SECISBP2L: variants seen among roughly 807,000 people sequenced by gnomAD.
SECISBP2L encodes selenocysteine insertion sequence-binding protein 2-like.
A neutral mutation model predicts 114.7 loss-of-function variants in SECISBP2L; 43 were observed. The observed-to-expected ratio is 0.38, with a 90% CI of 0.29 to 0.48. The LOEUF (loss-of-function observed/expected upper bound fraction) is 0.48, where lower values mean the gene tolerates loss of function less well. Among genes scored for constraint, SECISBP2L ranks in the 20% least tolerant of loss-of-function variants. The pLI is 0.98. For synonymous variants in SECISBP2L, 451 were observed against 439.7 expected, an observed-to-expected ratio of 1.03 and a Z score of -0.32; for missense variants, 1,136 against 1,301.1, an observed-to-expected ratio of 0.87 and a Z score of 1.95.
intron 8 of SECISBP2L, 85 bp from the exon 9 acceptor site, chr15:49,017,713 G>T (rs894633305): frequency 2.2e-6 from 2 of 910,510 alleles, no homozygotes; most frequent in African/African-American, 1.7e-5. Context: ...GAAAAATGAG[G>T]AAGTTATTTC....
intron 3 of SECISBP2L, among the ~76,000 whole-genome samples, chr15:49,033,694 A>C (rs970111180): frequency 2.6e-5 from 4 of 152,006 alleles, no homozygotes; most frequent in East Asian, 1.9e-4. Flanking sequence ...AACAAACAAA[A>C]AAACAAAGGC....
rs531937643 is a variant in SECISBP2L at position 49,036,470 on chromosome 15, T to C, written c.204-812A>G. 1.3e-3 allele frequency among the ~76,000 whole-genome samples: 201 copies of C among 152,362 alleles called. 1 individual carries two copies. In the South Asian group the frequency reaches 0.017, roughly 13 times the overall value. On this transcript the variant is annotated intron_variant, in intron 2 of 17. Coordinates refer to ENST00000559471, the MANE Select transcript of SECISBP2L (RefSeq NM_001193489.2). ...AATATTTTTTAAATAATCTGTTGGCTTGTTTACTCATAAATTCACAAAGAT... is the reference window on the plus strand; with the variant it reads ...AATATTTTTTAAATAATCTGTTGGCCTGTTTACTCATAAATTCACAAAGAT...
chr15:49,004,286 T>C (rs1170995085), intron 14 of SECISBP2L, among the ~76,000 whole-genome samples: 2 of 152,204 alleles, frequency 1.3e-5, no homozygotes, highest in Non-Finnish European at 2.9e-5. Flanking sequence ...AGTTGTGATC[T>C]TCCCTTTATC....
chr15:48,989,448 A>G lies in SECISBP2L; in HGVS notation c.*2796T>C, dbSNP rs938354044. The G allele has an allele frequency of 1.3e-5, 2 of 152,644 alleles. No homozygotes were observed. Among genetic ancestry groups the G allele is most frequent in the Non-Finnish European group, 2.9e-5 (2 of 68,024 alleles). 9.5% of individuals were successfully genotyped at this position (152,644 alleles called of 1,614,324 possible). On this transcript the variant is annotated 3_prime_UTR_variant, in exon 18 of 18. Coordinates refer to ENST00000559471, the MANE Select transcript of SECISBP2L (RefSeq NM_001193489.2). ...AAACAACCTCCAGTCAAAGCCAGTA[A>G]AAACTTCTCAATGTATAACACACAT...
At chr15:49,007,184 G>A (rs572010573) in intron 14 of SECISBP2L, among the ~76,000 whole-genome samples, 1 of 152,306 alleles carries the variant, frequency 6.6e-6, no homozygotes, top group East Asian at 1.9e-4. Context: ...TCCCAGAGGG[G>A]TACCCACCAA....
At chr15:49,005,420 A>AT (rs1566853975) in intron 14 of SECISBP2L, among the ~76,000 whole-genome samples, 3 of 152,112 alleles carry the variant, frequency 2.0e-5, no homozygotes. Context: ...GTGCTCTTGT[A>AT]TTGGGTGCAT....
At chr15:48,997,496 T>A (rs569069833) in intron 16 of SECISBP2L, among the ~76,000 whole-genome samples, 2 of 152,344 alleles carry the variant, frequency 1.3e-5, no homozygotes, top group Non-Finnish European at 2.9e-5. Flanking sequence ...AAAAACCAGA[T>A]GTTCTTTCAT....
intron 3 of SECISBP2L, among the ~76,000 whole-genome samples, chr15:49,034,241 C>T (rs931296269): frequency 5.9e-5 from 9 of 152,144 alleles, no homozygotes; most frequent in African/African-American, 2.2e-4. Context: ...TGATGATGTA[C>T]TCATAAGATA....
intron 1 of SECISBP2L, among the ~76,000 whole-genome samples, chr15:49,045,300 G>T (rs1238915457): frequency 1.3e-5 from 2 of 152,140 alleles, no homozygotes; most frequent in South Asian, 4.1e-4. Flanking sequence ...ACACATACAG[G>T]AATTTGGGAA....
chr15:48,994,781 T>G (rs1031528106), intron 17 of SECISBP2L, among the ~76,000 whole-genome samples: 12 of 144,166 alleles, frequency 8.3e-5, no homozygotes, highest in African/African-American at 3.2e-4. Flanking sequence ...TCCTCATCCC[T>G]CCTCACTTCC....
chr15:49,023,041 C>T (rs887898583), intron 7 of SECISBP2L, among the ~76,000 whole-genome samples: 1 of 147,840 alleles, frequency 6.8e-6, no homozygotes, highest in African/African-American at 2.5e-5. Flanking sequence ...AAAAAAAGGA[C>T]CAATAAAGTC....
Position 48,988,847 on chromosome 15 carries a change from G to A in SECISBP2L, c.*3397C>T, listed in dbSNP as rs1372473478. 8 of 188,908 alleles carry A rather than the reference G, an allele frequency of 4.2e-5. No homozygotes were observed. The highest frequency in any genetic ancestry group is 5.6e-5 in the Admixed American group (1 of 17,778). 11.7% of individuals were successfully genotyped at this position (188,908 alleles called of 1,614,324 possible). A position where few individuals can be genotyped will look rare whatever the true frequency, so the allele number is the denominator to read the frequency against. On this transcript the variant is annotated 3_prime_UTR_variant, in exon 18 of 18. Transcript: ENST00000559471. The stretch of plus-strand genomic sequence containing the variant: ...AAGACATTAAATTATAAACTTATGT[G>A]GTATATTTAGAAATTAAATTATAAA...
At chr15:49,011,137 A>C (rs1415963296) in intron 13 of SECISBP2L, among the ~76,000 whole-genome samples, 1 of 152,210 alleles carries the variant, frequency 6.6e-6, no homozygotes, top group Non-Finnish European at 1.5e-5. Context: ...GTGTTGCAAA[A>C]AGTTGGGCAA....
intron 15 of SECISBP2L, 127 bp downstream of exon 15, chr15:49,000,750 T>C: frequency 2.8e-6 from 2 of 717,364 alleles, no homozygotes; most frequent in Non-Finnish European, 4.5e-6. Context: ...CTGCATTTTC[T>C]TTTCTCATGC....
rs1902443444 is a variant in SECISBP2L, at chr15:49,011,835, T to C, written c.1760A>G (p.Lys587Arg). 1 of 1,614,010 alleles carries C rather than the reference T, an allele frequency of 6.2e-7. No homozygotes were observed. Among genetic ancestry groups the C allele is most frequent in the Admixed American group, 1.7e-5 (1 of 60,004 alleles). ...KVILKEREEK[K>R]GRLTVDHNLL... Reference sequence around the variant, plus strand: ...ATTGTGGTCCACAGTTAAGCGCCCCTTCTTTTCCTCTCTTTCTTTTAAAAT... The same window carrying C: ...ATTGTGGTCCACAGTTAAGCGCCCCCTCTTTTCCTCTCTTTCTTTTAAAAT... The change falls in exon 13 of 18, where the codon AAG becomes AGG. Residue 587 changes from lysine (K) to arginine (R), a missense_variant. Physicochemically the swap from Lys to Arg is conservative, Grantham distance 26. This residue lies in a region of SECISBP2L where 684 missense variants were observed against 848.7 expected (regional missense o/e 0.81). Coordinates refer to ENST00000559471, the MANE Select transcript of SECISBP2L (RefSeq NM_001193489.2).
At chr15:49,012,560 G>T in intron 12 of SECISBP2L, 88 bp downstream of exon 12, 2 of 1,342,530 alleles carry the variant, frequency 1.5e-6, no homozygotes, top group Non-Finnish European at 2.1e-6. Flanking sequence ...ACAATCTGTT[G>T]GCTAAGACAC....
chr15:49,045,041 G>A (rs889653594), intron 1 of SECISBP2L, among the ~76,000 whole-genome samples: 1 of 152,154 alleles, frequency 6.6e-6, no homozygotes, highest in Non-Finnish European at 1.5e-5. Context: ...GATACAGGCT[G>A]TATACAGAAT....
rs1039989552 is a variant in SECISBP2L at position 49,035,376 on chromosome 15, G to A, written c.486C>T (p.Ser162=). Residue 162 remains serine, a synonymous_variant, in exon 3 of 18, where the codon AGC becomes AGT. Coordinates refer to ENST00000559471, the MANE Select transcript of SECISBP2L (RefSeq NM_001193489.2). ...SQLGQVFPLS[S]HRSRNSNRGS... is the part of the protein sequence containing the mutation. Reference sequence around the variant, plus strand: ...CTCTGTTACTGTTTCTGCTTCGATGGCTGGACAATGGGAAGACCTGTCCAA... The same window carrying A: ...CTCTGTTACTGTTTCTGCTTCGATGACTGGACAATGGGAAGACCTGTCCAA... 1.2e-6 allele frequency: 2 copies of A among 1,614,046 alleles called. No homozygotes were observed.
At chr15:49,024,720 A>G (rs967676116) in intron 7 of SECISBP2L, among the ~76,000 whole-genome samples, 39 of 152,164 alleles carry the variant, frequency 2.6e-4, no homozygotes, top group African/African-American at 9.2e-4. Flanking sequence ...GAGCCTAAAA[A>G]CAATCAGAAA....
Sources: gnomAD v4.1 joint callset for allele counts (sites outside exome capture counted in the v4.1 genomes callset) on GRCh38, gnomAD v4.1.1 for gene constraint, gnomAD v4.1.1 regional missense constraint, MANE v1.5 for transcripts, NCBI Gene and HGNC (gene_info 2026-07-23, HGNC 2026-07-21) for gene names.